CDH6: variants seen among roughly 807,000 people sequenced by gnomAD.
The protein encoded by CDH6 is cadherin-6.
Under a neutral mutation model 78.0 loss-of-function variants are expected in CDH6, and 31 were observed. The ratio of observed to expected loss-of-function variants is 0.40; its 90% CI spans 0.30 to 0.54. The LOEUF (loss-of-function observed/expected upper bound fraction) is 0.54, where lower values mean the gene tolerates loss of function less well. Among genes scored for constraint, CDH6 ranks in the 20% least tolerant of loss-of-function variants. CDH6 has a pLI of 0.56. For missense variants in CDH6, 724 were observed against 975.9 expected (o/e 0.74, Z 3.44); for synonymous variants, 376 against 368.8 (o/e 1.02, Z -0.23).
intron 1 of CDH6, among the ~76,000 whole-genome samples, chr5:31,223,336 A>G (rs10078726): frequency 0.047 from 7,162 of 152,138 alleles, 542 homozygotes; most frequent in African/African-American, 0.16. Context: ...CTTTGTATTT[A>G]TTTCTCCTTG....
intron 1 of CDH6, chr5:31,251,202 G>A (rs899831723): frequency 2.0e-5 from 3 of 152,198 alleles, no homozygotes; most frequent in African/African-American, 7.2e-5. Flanking sequence ...CAGTCTTGTG[G>A]GAGGCGCTTG....
Position 31,242,874 on chromosome 5 carries a change from G to T in CDH6, c.-128-24472G>T, listed in dbSNP as rs115996143. On this transcript the variant is annotated intron_variant, in intron 1 of 11. Transcript: ENST00000265071. ...TCGCCTCTACTAAAAAAAAAAAAAAGGTAAAATGAGCCAGGCATGGTGGCA... is the reference window on the plus strand; with the variant it reads ...TCGCCTCTACTAAAAAAAAAAAAAATGTAAAATGAGCCAGGCATGGTGGCA... Among the ~76,000 whole-genome samples the T allele has an allele frequency of 5.7e-3, 859 of 150,154 alleles. 6 individuals are homozygous for T. The highest frequency in any genetic ancestry group is 0.02 in the African/African-American group (817 of 40,464).
intron 11 of CDH6, 129 bp from the exon 12 acceptor site, chr5:31,322,689 A>G: frequency 1.9e-6 from 2 of 1,076,322 alleles, no homozygotes; most frequent in Non-Finnish European, 2.7e-6. Context: ...CCTTAAAGAA[A>G]TAAAAGTTGA....
At chr5:31,302,873 G>GGGAAGGAA (rs1200177686) in intron 6 of CDH6, among the ~76,000 whole-genome samples, 11 of 106,014 alleles carry the variant, frequency 1.0e-4, no homozygotes, top group South Asian at 9.1e-4. Flanking sequence ...GAAGAAAGGA[G>GGGAAGGAA]GGAAGGAAGG....
intron 1 of CDH6, among the ~76,000 whole-genome samples, chr5:31,226,326 C>G (rs1741149108): frequency 6.6e-6 from 1 of 152,084 alleles, no homozygotes; most frequent in Admixed American, 6.5e-5. Flanking sequence ...AGGCGCCCAC[C>G]ACCACGCCCA....
At chr5:31,300,396 C>T (rs368737220) in intron 5 of CDH6, among the ~76,000 whole-genome samples, 2 of 152,152 alleles carry the variant, frequency 1.3e-5, no homozygotes, top group East Asian at 3.9e-4. Flanking sequence ...TTTAAAAAAA[C>T]TAATCAGCTG....
intron 1 of CDH6, among the ~76,000 whole-genome samples, chr5:31,255,285 C>T (rs1023988608): frequency 3.3e-5 from 5 of 152,176 alleles, no homozygotes; most frequent in Non-Finnish European, 7.3e-5. Context: ...TGTGACGGTG[C>T]CGTCGTTAAA....
chr5:31,313,868 T>C (rs1298213348), intron 8 of CDH6, among the ~76,000 whole-genome samples: 1 of 152,350 alleles, frequency 6.6e-6, no homozygotes, highest in East Asian at 1.9e-4. Flanking sequence ...AAATTTTAGA[T>C]ATCAATTCTC....
Position 31,323,344 on chromosome 5 carries a change from A to C in CDH6, c.*36A>C. ...TTTTCATTTTCCAATACGACACTGAAATATGTGAAGTGGCTATTTCTTTAT... is the reference window on the plus strand; with the variant it reads ...TTTTCATTTTCCAATACGACACTGACATATGTGAAGTGGCTATTTCTTTAT... On this transcript the variant is annotated 3_prime_UTR_variant, in exon 12 of 12. Coordinates refer to ENST00000265071, the MANE Select transcript of CDH6 (RefSeq NM_004932.4). The C allele has an allele frequency of 6.3e-7, 1 of 1,582,928 alleles. No homozygotes were observed. Among genetic ancestry groups the C allele is most frequent in the East Asian group, 2.3e-5 (1 of 44,356 alleles).
intron 11 of CDH6, chr5:31,318,232 A>G: frequency 1.7e-6 from 1 of 577,586 alleles, no homozygotes; most frequent in Non-Finnish European, 3.1e-6. Flanking sequence ...TTTTCATTTC[A>G]TTCGTTGTGT....
chr5:31,200,218 T>G (rs905276208), intron 1 of CDH6, among the ~76,000 whole-genome samples: 1 of 152,198 alleles, frequency 6.6e-6, no homozygotes, highest in Non-Finnish European at 1.5e-5. Context: ...ATGATGGTAC[T>G]TTTTATATGA....
Position 31,329,142 on chromosome 5 carries a change from T to C in CDH6, c.*5834T>C, listed in dbSNP as rs1321217679. On this transcript the variant is annotated 3_prime_UTR_variant, in exon 12 of 12. Coordinates refer to ENST00000265071, the MANE Select transcript of CDH6 (RefSeq NM_004932.4). The stretch of plus-strand genomic sequence containing the variant: ...ATATTACTTAATAAACTGGTTTTTT[T>C]CTAACTTGCTTTTTTTTCAATTCTC... 5 of 187,266 alleles carry C rather than the reference T, an allele frequency of 2.7e-5. No individual in the cohort carries two copies. The highest frequency in any genetic ancestry group is 5.6e-5 in the Non-Finnish European group (5 of 88,876). 11.6% of individuals were successfully genotyped at this position (187,266 alleles called of 1,614,324 possible).
At chr5:31,270,679 C>T (rs1168531580) in intron 2 of CDH6, among the ~76,000 whole-genome samples, 1 of 152,040 alleles carries the variant, frequency 6.6e-6, no homozygotes, top group Non-Finnish European at 1.5e-5. Flanking sequence ...CCTTTTCCTT[C>T]CTTTTTTTTA....
At chr5:31,200,394 C>T (rs1417682670) in intron 1 of CDH6, among the ~76,000 whole-genome samples, 1 of 151,898 alleles carries the variant, frequency 6.6e-6, no homozygotes, top group African/African-American at 2.4e-5. Flanking sequence ...TTGACATTAC[C>T]ATGGATGTAG....
rs1738204227 is a variant in CDH6, at chr5:31,313,227, ATG to A, written c.1254-90_1254-89del. On this transcript the variant is annotated intron_variant, in intron 7 of 11. Transcript: ENST00000265071. ...ATTTATGCCACAGATACTCTGGGAT[ATG>A]ATGTGTACCAGATGTTTTATGATGT... 6 of 1,145,950 alleles carry A rather than the reference ATG, an allele frequency of 5.2e-6. No homozygotes were observed. In the South Asian group the frequency reaches 8.2e-5, roughly 16 times the overall value. The allele number at this position is 1,145,950 out of a possible 1,614,324, so 71.0% of individuals were successfully genotyped here.
chr5:31,272,920 A>T (rs58398883), intron 2 of CDH6, among the ~76,000 whole-genome samples: 25,448 of 152,154 alleles, frequency 0.17, 2,443 homozygotes, highest in East Asian at 0.22. Context: ...TTTTTTAAAA[A>T]CATTATGAAA....
chr5:31,224,746 G>T (rs1741102204), intron 1 of CDH6, among the ~76,000 whole-genome samples: 1 of 152,090 alleles, frequency 6.6e-6, no homozygotes, highest in Non-Finnish European at 1.5e-5. Context: ...ATTTTGCCTT[G>T]TTGCCCAGGC....
intron 1 of CDH6, among the ~76,000 whole-genome samples, chr5:31,205,589 A>T (rs1301047480): frequency 6.6e-6 from 1 of 152,206 alleles, no homozygotes; most frequent in African/African-American, 2.4e-5. Flanking sequence ...TACACTTTTA[A>T]CATATTTTAT....
intron 2 of CDH6, among the ~76,000 whole-genome samples, chr5:31,291,245 C>G (rs543738486): frequency 6.1e-4 from 92 of 152,014 alleles, no homozygotes; most frequent in African/African-American, 1.9e-3. Context: ...CTTAGAGATA[C>G]CATGTGTCTG....
Sources: allele counts gnomAD v4.1 joint callset (sites outside exome capture counted in the v4.1 genomes callset), GRCh38; gene constraint gnomAD v4.1.1; transcripts MANE v1.5; gene names NCBI Gene and HGNC (gene_info 2026-07-23, HGNC 2026-07-21).